Variants in TRAPPC9 observed in about 807,000 individuals in gnomAD.
TRAPPC9 encodes the protein IKK2 binding protein.
TRAPPC9 carries 83 observed loss-of-function variants against 124.0 expected under a neutral mutation model. The ratio of observed to expected loss-of-function variants is 0.67; its 90% CI spans 0.56 to 0.80. TRAPPC9 has a LOEUF of 0.80. Ranked by LOEUF, TRAPPC9 falls within the 30% of genes least tolerant of loss-of-function variation. The pLI, the probability that TRAPPC9 is intolerant of heterozygous loss-of-function variation, is 0.00. For synonymous variants in TRAPPC9, 638 were observed against 617.5 expected, an observed-to-expected ratio of 1.03 and a Z score of -0.49; for missense variants, 1,302 against 1,508.3, an observed-to-expected ratio of 0.86 and a Z score of 2.27.
chr8:139,936,434 G>A (rs371740981), intron 19 of TRAPPC9, among the ~76,000 whole-genome samples: 1 of 152,210 alleles, frequency 6.6e-6, no homozygotes, highest in African/African-American at 2.4e-5. Flanking sequence ...TGGGGAGGTC[G>A]ACACCTATAT....
intron 17 of TRAPPC9, among the ~76,000 whole-genome samples, chr8:140,154,617 C>T (rs75733053): frequency 4.6e-5 from 7 of 152,146 alleles, no homozygotes; most frequent in African/African-American, 1.4e-4. Context: ...AACTCACTAA[C>T]GATTACTCAT....
intron 9 of TRAPPC9, among the ~76,000 whole-genome samples, chr8:140,344,338 C>T (rs1168631311): frequency 1.3e-5 from 2 of 152,156 alleles, no homozygotes; most frequent in African/African-American, 4.8e-5. Context: ...AAAGATGCAC[C>T]CCAGGAGGTG....
At chr8:139,921,207 G>A (rs1303841516) in intron 19 of TRAPPC9, among the ~76,000 whole-genome samples, 1 of 152,190 alleles carries the variant, frequency 6.6e-6, no homozygotes, top group South Asian at 2.1e-4. Context: ...GACTCCTCCC[G>A]CTAATGTGTG....
chr8:140,437,957 T>C (rs1242968482), intron 3 of TRAPPC9, among the ~76,000 whole-genome samples: 2 of 152,180 alleles, frequency 1.3e-5, no homozygotes, highest in East Asian at 3.9e-4. Context: ...GAGATGGCTG[T>C]GCTTTGAAGT....
chr8:139,936,881 T>G (rs1196085634), intron 19 of TRAPPC9, among the ~76,000 whole-genome samples: 5 of 33,612 alleles, frequency 1.5e-4, no homozygotes, highest in African/African-American at 2.7e-4. Context: ...GAGTGGGGAG[T>G]GGGCACTGCA....
At chr8:140,181,267 G>C (rs1002992273) in intron 17 of TRAPPC9, among the ~76,000 whole-genome samples, 1 of 152,116 alleles carries the variant, frequency 6.6e-6, no homozygotes, top group East Asian at 1.9e-4. Flanking sequence ...TTTGAGAGGT[G>C]GGGGGCATGG....
chr8:139,996,158 C>CAAAAAAAAAAAAAAAAAAA, intron 18 of TRAPPC9, among the ~76,000 whole-genome samples: 14 of 19,416 alleles, frequency 7.2e-4, no homozygotes, highest in Admixed American at 1.0e-3. Flanking sequence ...AAAACTTAAG[C>CAAAAAAAAAAAAAAAAAAA]AAAAAAAAAA....
intron 17 of TRAPPC9, among the ~76,000 whole-genome samples, chr8:140,127,274 A>G (rs1447056987): frequency 6.6e-6 from 1 of 152,230 alleles, no homozygotes; most frequent in African/African-American, 2.4e-5. Context: ...CGTGATGGAC[A>G]GGGGCTCAGG....
chr8:140,266,273 T>G (rs911583804), intron 15 of TRAPPC9, among the ~76,000 whole-genome samples: 1 of 151,860 alleles, frequency 6.6e-6, no homozygotes, highest in Non-Finnish European at 1.5e-5. Flanking sequence ...CTGGCCAACA[T>G]GGTGAAACTC....
At position 140,000,435 on chromosome 8, in the gene TRAPPC9, G is replaced by A. The variant is rs533861916; in HGVS notation, c.2700-11599C>T. Among the ~76,000 whole-genome samples, 91 of 152,336 alleles carry A rather than the reference G, an allele frequency of 6.0e-4. 1 individual carries two copies. The South Asian group carries it at 8.7e-3, about 15-fold the overall frequency. On this transcript the variant is annotated intron_variant, in intron 18 of 22. Coordinates refer to ENST00000438773, the MANE Select transcript of TRAPPC9 (RefSeq NM_001160372.4). ...CACAGCAAAAGAAACTACCATCAGAGTGAACAGGCAACCTACAGAATGGGA... is the reference window on the plus strand; with the variant it reads ...CACAGCAAAAGAAACTACCATCAGAATGAACAGGCAACCTACAGAATGGGA...
At chr8:139,749,023 G>A (rs570967313) in intron 21 of TRAPPC9, among the ~76,000 whole-genome samples, 44 of 152,242 alleles carry the variant, frequency 2.9e-4, no homozygotes, top group Non-Finnish European at 5.9e-4. Context: ...TAAAGTGATT[G>A]TGGATGTAGA....
In TRAPPC9 at chr8:140,252,148, C is replaced by T. The variant is rs544740697; in HGVS notation, c.2431+629G>A. Among the ~76,000 whole-genome samples the T allele has an allele frequency of 1.3e-5, 2 of 152,152 alleles. No individual in the cohort carries two copies. Among genetic ancestry groups the T allele is most frequent in the African/African-American group, 4.8e-5 (2 of 41,492 alleles). On this transcript the variant is annotated intron_variant, in intron 16 of 22. Transcript: ENST00000438773. The surrounding 1 kb of genome is among the most constrained non-coding windows in gnomAD (Gnocchi z 4.2). ...CAAGCGATTCTCCTGCCCTCAGCCT[C>T]CTGAGTAGCTGGGATTACAGGCATG...
At chr8:139,923,481 ACT>A (rs1832630645) in intron 19 of TRAPPC9, among the ~76,000 whole-genome samples, 1 of 149,668 alleles carries the variant, frequency 6.7e-6, no homozygotes, top group African/African-American at 2.4e-5. Flanking sequence ...TTCACTCAAC[ACT>A]CTGCTCCTGT....
At chr8:140,431,798 A>C (rs2070655697) in intron 4 of TRAPPC9, among the ~76,000 whole-genome samples, 1 of 152,190 alleles carries the variant, frequency 6.6e-6, no homozygotes, top group Admixed American at 6.5e-5. Context: ...ATGACACCAC[A>C]ACACCACCCA....
intron 17 of TRAPPC9, among the ~76,000 whole-genome samples, chr8:140,092,092 AC>A (rs1413129429): frequency 4.0e-5 from 6 of 151,778 alleles, no homozygotes; most frequent in South Asian, 2.1e-4. Flanking sequence ...AAAAAAAAAA[AC>A]AAACCTTTTT....
At chr8:140,320,844 C>T (rs147304942) in intron 9 of TRAPPC9, among the ~76,000 whole-genome samples, 57 of 152,326 alleles carry the variant, frequency 3.7e-4, no homozygotes, top group Admixed American at 3.3e-3. Flanking sequence ...ACAAACCCTA[C>T]ATCTCACGAT....
At chr8:140,129,832 C>T (rs749109200) in intron 17 of TRAPPC9, among the ~76,000 whole-genome samples, 6 of 152,180 alleles carry the variant, frequency 3.9e-5, no homozygotes, top group Middle Eastern at 3.2e-3. Context: ...GATGGATAGA[C>T]GAATAGAAAT....
chr8:140,013,192 C>T (rs1839246552), intron 18 of TRAPPC9, among the ~76,000 whole-genome samples: 1 of 152,142 alleles, frequency 6.6e-6, no homozygotes, highest in African/African-American at 2.4e-5. Context: ...GGAGTTCAAG[C>T]CCATCAAGCC....
intron 19 of TRAPPC9, 144 bp downstream of exon 19, chr8:139,988,582 G>T: frequency 1.5e-6 from 1 of 652,004 alleles, no homozygotes; most frequent in Non-Finnish European, 2.7e-6. Context: ...CACCAAACTT[G>T]AATAGTCACT....
Sources: gnomAD v4.1 joint callset for allele counts (sites outside exome capture counted in the v4.1 genomes callset) on GRCh38, gnomAD v4.1.1 for gene constraint, Gnocchi (gnomAD v3.1) non-coding constraint, MANE v1.5 for transcripts, NCBI Gene and HGNC (gene_info 2026-07-23, HGNC 2026-07-21) for gene names.